The following FAT1 variants were observed in gnomAD, a reference collection of about 807,000 sequenced individuals.
FAT1 encodes the protein FAT atypical cadherin 1.
FAT1 carries 171 observed loss-of-function variants against 329.8 expected under a neutral mutation model. That is an observed-to-expected ratio of 0.52 (90% confidence interval 0.46 to 0.59). FAT1 has a LOEUF of 0.59. Ranked by LOEUF, FAT1 falls within the 20% of genes least tolerant of loss-of-function variation. The probability of loss-of-function intolerance (pLI) is 0.00; values close to 1 mark genes in which losing one functional copy is unlikely to be tolerated. For synonymous variants in FAT1, 2,233 were observed against 2,228.6 expected (o/e 1.00, Z -0.06); for missense variants, 5,672 against 5,774.4 (o/e 0.98, Z 0.57).
At chr4:186,669,106 C>T (rs746779806) in intron 2 of FAT1, among the ~76,000 whole-genome samples, 21 of 152,304 alleles carry the variant, frequency 1.4e-4, no homozygotes, top group South Asian at 4.1e-4. Flanking sequence ...CTCTTCTCTG[C>T]GGTCTCCCTC....
rs373225541 is a variant in FAT1, at chr4:186,602,873, T to C, written c.11482+30A>G. 1.7e-5 allele frequency: 26 copies of C among 1,573,414 alleles called. No individual in the cohort carries two copies. The African/African-American group carries it at 3.3e-4, about 20-fold the overall frequency. ...AAACAATGAAACCGATTTTTAAAAA[T>C]AAAAGTATACCCAACCATTCAACTC... On this transcript the variant is annotated intron_variant, in intron 20 of 26. Coordinates refer to ENST00000441802, the MANE Select transcript of FAT1 (RefSeq NM_005245.4).
chr4:186,645,221 C>T (rs1741296981), intron 3 of FAT1, among the ~76,000 whole-genome samples: 1 of 151,340 alleles, frequency 6.6e-6, no homozygotes, highest in Admixed American at 6.6e-5. Flanking sequence ...GAAGAAGCAC[C>T]CGGCAGAACC....
intron 2 of FAT1, among the ~76,000 whole-genome samples, chr4:186,704,810 T>C (rs1744491621): frequency 6.6e-6 from 1 of 152,184 alleles, no homozygotes; most frequent in African/African-American, 2.4e-5. Context: ...AAACTAATTA[T>C]GGGTATTTTA....
chr4:186,679,630 T>C (rs58561685), intron 2 of FAT1, among the ~76,000 whole-genome samples: 97 of 152,178 alleles, frequency 6.4e-4, no homozygotes, highest in African/African-American at 2.3e-3. Context: ...GCATAGTACT[T>C]ACAACACTGT....
rs1739779070 is a variant in FAT1, at chr4:186,617,711, T to C, written c.8875A>G (p.Thr2959Ala). The C allele has an allele frequency of 6.4e-7, 1 of 1,557,184 alleles. No individual in the cohort carries two copies. Among genetic ancestry groups the C allele is most frequent in the South Asian group, 1.2e-5 (1 of 81,258 alleles). ...EINRQVTYFI[T>A]GGDPLGQFAV... ...GTTTGGTATGAATTTTTTTTACCTG[T>C]TATGAAATATGTAACTTGTCTGTTG... Residue 2959 changes from threonine to alanine, a missense_variant, in exon 10 of 27, where the codon ACA becomes GCA. Thr to Ala is a moderately conservative substitution (Grantham distance 58). Coordinates refer to ENST00000441802, the MANE Select transcript of FAT1 (RefSeq NM_005245.4).
At chr4:186,666,945 G>A (rs1207419803) in intron 2 of FAT1, among the ~76,000 whole-genome samples, 2 of 152,116 alleles carry the variant, frequency 1.3e-5, no homozygotes, top group Non-Finnish European at 2.9e-5. Flanking sequence ...TCAGTCCTAC[G>A]GCTGTTATGA....
In FAT1 at chr4:186,636,087, G is replaced by A. The variant is rs745341734; in HGVS notation, c.4121C>T (p.Ala1374Val). The part of the protein sequence containing the change: ...TFTVMESDPV[A>V]HMIGVISVEP... ...CACAGATATTACTCCAATCATGTGA[G>A]CAACGGGGTCACTTTCCATCACAGT... The change falls in exon 6 of 27, where the codon GCT becomes GTT. Residue 1374 changes from alanine (A) to valine (V), a missense_variant. By Grantham distance (64) the Ala-to-Val change is moderately conservative. Transcript: ENST00000441802. The A allele has an allele frequency of 7.4e-6, 12 of 1,613,978 alleles. No individual in the cohort carries two copies. Among genetic ancestry groups the A allele is most frequent in the South Asian group, 3.3e-5 (3 of 91,072 alleles).
rs534337020 is a variant in FAT1 at position 186,588,946 on chromosome 4, C to T, written c.13413G>A (p.Ala4471=). ...TTCTTGATGAAGAACCCAAGCTACC[C>T]GCGGCAGGCATGTCTCTAGGAGGGT... ...SIHPPRDMPA[A]GSLGSSSRNR... Residue 4471 remains alanine (A), a synonymous_variant, in exon 27 of 27, where the codon GCG becomes GCA. Transcript: ENST00000441802. 15 of 1,613,822 alleles carry T rather than the reference C, an allele frequency of 9.3e-6. No homozygotes were observed. Among genetic ancestry groups the T allele is most frequent in the Admixed American group, 3.3e-5 (2 of 60,000 alleles).
At chr4:186,615,638 A>C (rs987205575) in intron 11 of FAT1, among the ~76,000 whole-genome samples, 6 of 151,994 alleles carry the variant, frequency 3.9e-5, no homozygotes, top group African/African-American at 1.4e-4. Context: ...TCGCATCCCA[A>C]ACATCCCAGC....
At chr4:186,593,497 G>A (rs184528251) in intron 26 of FAT1, among the ~76,000 whole-genome samples, 13 of 152,284 alleles carry the variant, frequency 8.5e-5, no homozygotes, top group Admixed American at 2.6e-4. Context: ...CTTTGTTGAC[G>A]CGGTTCAGAT....
At chr4:186,611,181 C>T (rs776654256) in intron 14 of FAT1, among the ~76,000 whole-genome samples, 2 of 152,096 alleles carry the variant, frequency 1.3e-5, no homozygotes, top group Non-Finnish European at 2.9e-5. Context: ...AATGAACATG[C>T]CCAAAATGTA....
At chr4:186,611,141 CTATTT>C (rs1333630001) in intron 14 of FAT1, among the ~76,000 whole-genome samples, 3 of 152,142 alleles carry the variant, frequency 2.0e-5, no homozygotes, top group Non-Finnish European at 2.9e-5. Context: ...CTTTGATTTT[CTATTT>C]TAAGTTAATT....
At chr4:186,656,541 C>A (rs978303484) in intron 3 of FAT1, among the ~76,000 whole-genome samples, 3 of 151,162 alleles carry the variant, frequency 2.0e-5, no homozygotes, top group African/African-American at 7.4e-5. Context: ...GTGTGCTACC[C>A]ACACATACAC....
At chr4:186,599,331 AT>A (rs1738681742) in intron 22 of FAT1, among the ~76,000 whole-genome samples, 1 of 152,138 alleles carries the variant, frequency 6.6e-6, no homozygotes, top group African/African-American at 2.4e-5. Flanking sequence ...GACAACTGTC[AT>A]TTTCCTAACT....
chr4:186,714,433 G>A (rs1745113496), intron 1 of FAT1, among the ~76,000 whole-genome samples: 1 of 152,078 alleles, frequency 6.6e-6, no homozygotes, highest in Admixed American at 6.5e-5. Flanking sequence ...AGGGTAAGAT[G>A]GGAACAGCTA....
chr4:186,625,979 C>T (rs1037556824), intron 9 of FAT1, among the ~76,000 whole-genome samples: 35 of 148,226 alleles, frequency 2.4e-4, no homozygotes, highest in Admixed American at 1.8e-3. Flanking sequence ...ACCAACATGG[C>T]ACCTGGCACA....
intron 2 of FAT1, among the ~76,000 whole-genome samples, chr4:186,705,202 C>A (rs531234453): frequency 6.6e-6 from 1 of 151,928 alleles, no homozygotes; most frequent in South Asian, 2.1e-4. Flanking sequence ...CCTGCGCCTC[C>A]CAAAGTGCTG....
At chr4:186,679,416 C>CAAAAAAAAAAAAAAAAAAAAAAA (rs1169141587) in intron 2 of FAT1, among the ~76,000 whole-genome samples, 1 of 50,310 alleles carries the variant, frequency 2.0e-5, no homozygotes, top group Non-Finnish European at 4.2e-5. Flanking sequence ...GACTCTGTCT[C>CAAAAAAAAAAAAAAAAAAAAAAA]AAAAAAAAAA....
chr4:186,712,024 C>T (rs1744985560), intron 1 of FAT1, among the ~76,000 whole-genome samples: 1 of 152,276 alleles, frequency 6.6e-6, no homozygotes, highest in African/African-American at 2.4e-5. Context: ...TACCATCATC[C>T]ATTGTACAAC....
Sources: allele counts gnomAD v4.1 joint callset (sites outside exome capture counted in the v4.1 genomes callset), GRCh38; gene constraint gnomAD v4.1.1; transcripts MANE v1.5; gene names NCBI Gene and HGNC (gene_info 2026-07-23, HGNC 2026-07-21).